TESMIN: variants seen among roughly 807,000 people sequenced by gnomAD.
TESMIN encodes the protein CXC domain containing 2.
TESMIN carries 34 observed loss-of-function variants against 47.4 expected under a neutral mutation model. The ratio of observed to expected loss-of-function variants is 0.72; its 90% confidence interval spans 0.55 to 0.96. The LOEUF is 0.96. Among genes scored for constraint, TESMIN ranks in the 40% least tolerant of loss-of-function variants. The probability of loss-of-function intolerance (pLI) is 0.00; values close to 1 mark genes in which losing one functional copy is unlikely to be tolerated. For missense variants in TESMIN, 610 were observed against 637.2 expected (o/e 0.96, Z 0.46); for synonymous variants, 278 against 258.9 (o/e 1.07, Z -0.71).
chr11:68,730,791 T>C (rs1358613346), intron 6 of TESMIN, among the ~76,000 whole-genome samples: 5 of 146,942 alleles, frequency 3.4e-5, no homozygotes, highest in Admixed American at 2.7e-4. Context: ...AGCCAGACTT[T>C]GTCTCAAAAA....
At chr11:68,734,595 C>G (rs1458649517) in intron 6 of TESMIN, among the ~76,000 whole-genome samples, 1 of 152,194 alleles carries the variant, frequency 6.6e-6, no homozygotes, top group African/African-American at 2.4e-5. Flanking sequence ...TGGGGGCATG[C>G]ATCTCTGTCA....
chr11:68,705,437 C>G (rs565571805), downstream of TESMIN, among the ~76,000 whole-genome samples: 3 of 152,258 alleles, frequency 2.0e-5, no homozygotes, highest in East Asian at 5.8e-4. Context: ...GCATCCAAGC[C>G]GAGATGAAAA....
chr11:68,742,819 G>A (rs4930603), intron 4 of TESMIN, among the ~76,000 whole-genome samples: 91,235 of 152,102 alleles, frequency 0.6, 28,872 homozygotes, highest in East Asian at 0.78. Context: ...AGCCTCCTAA[G>A]TAGCTGAGCC....
chr11:68,738,334 C>CCA, intron 6 of TESMIN: 1 of 1,018,244 alleles, frequency 9.8e-7, no homozygotes, highest in East Asian at 1.0e-4. Flanking sequence ...TGCATGGCTG[C>CCA]CACACCATTA....
rs370193317 is a variant in TESMIN at position 68,726,075 on chromosome 11, A to G, written c.918-10136T>C. ...AACTGTGGCAAACACTTACAAGGACATGTGTGATCTGCTGGGCTGTGCTCT... is the reference window on the plus strand; with the variant it reads ...AACTGTGGCAAACACTTACAAGGACGTGTGTGATCTGCTGGGCTGTGCTCT... On this transcript the variant is annotated intron_variant, in intron 6 of 9. Transcript: ENST00000255087. 2.2e-4 allele frequency among the ~76,000 whole-genome samples: 33 copies of G among 152,272 alleles called. No individual in the cohort carries two copies. The East Asian group carries it at 2.3e-3, about 11-fold the overall frequency.
chr11:68,738,557 T>C lies in TESMIN; in HGVS notation c.917+143A>G, dbSNP rs140934544. 12,596 of 1,442,630 alleles carry C rather than the reference T, an allele frequency of 8.7e-3. 53 individuals carry two copies. The highest frequency in any genetic ancestry group is 0.01 in the Non-Finnish European group (11,231 of 1,095,804). The allele number at this position is 1,442,630 out of a possible 1,614,324, so 89.4% of individuals were successfully genotyped here. Reference sequence around the variant, plus strand: ...ACAGACAGCAACACCGTTAGTGGCATTGCTGATGGTAAAAACATTTCTCAG... The same window carrying C: ...ACAGACAGCAACACCGTTAGTGGCACTGCTGATGGTAAAAACATTTCTCAG... On this transcript the variant is annotated intron_variant, in intron 6 of 9. Transcript: ENST00000255087.
In TESMIN at chr11:68,712,967, G is replaced by A. The variant is rs182652549; in HGVS notation, c.1158+303C>T. Among the ~76,000 whole-genome samples the A allele has an allele frequency of 1.2e-3, 189 of 152,268 alleles. 1 individual carries two copies. Among genetic ancestry groups the A allele is most frequent in the African/African-American group, 4.3e-3 (178 of 41,556 alleles). ...GCTTCCACCCTGTTGGAGGACCAGC[G>A]TGGATCAGTGGCCACAGAGGGACAA... is the stretch of plus-strand genomic sequence containing the variant. On this transcript the variant is annotated intron_variant, in intron 8 of 9. Transcript: ENST00000255087.
At chr11:68,737,616 G>A (rs1177635205) in intron 6 of TESMIN, 2 of 985,682 alleles carry the variant, frequency 2.0e-6, no homozygotes, top group Middle Eastern at 5.2e-4. Flanking sequence ...CTTAGACTGT[G>A]GGCCCAAAGA....
chr11:68,750,616 A>G lies in TESMIN; in HGVS notation c.45T>C (p.Asp15=), dbSNP rs761824341. The part of the protein sequence containing the change: ...PLPGGLPSPE[D]AMVTELLSPE... Reference sequence around the variant, plus strand: ...GGCTTAAGAGCTCCGTCACCATCGCATCCTCGGGGCTGGGCAGCCCGCCCG... The same window carrying G: ...GGCTTAAGAGCTCCGTCACCATCGCGTCCTCGGGGCTGGGCAGCCCGCCCG... Residue 15 remains aspartate, a synonymous_variant, in exon 2 of 10, where the codon GAT becomes GAC. Coordinates refer to ENST00000255087, the MANE Select transcript of TESMIN (RefSeq NM_004923.3). The G allele has an allele frequency of 3.8e-5, 61 of 1,593,804 alleles. No homozygotes were observed. Among genetic ancestry groups the G allele is most frequent in the Non-Finnish European group, 5.1e-5 (60 of 1,169,820 alleles).
intron 6 of TESMIN, among the ~76,000 whole-genome samples, chr11:68,733,913 C>T (rs990729812): frequency 2.0e-5 from 3 of 152,146 alleles, no homozygotes; most frequent in Non-Finnish European, 4.4e-5. Flanking sequence ...CAAACACAGC[C>T]ACACATGCCC....
intron 6 of TESMIN, among the ~76,000 whole-genome samples, chr11:68,728,655 C>G (rs956354715): frequency 6.6e-6 from 1 of 152,254 alleles, no homozygotes. Context: ...CAATGCCTGG[C>G]TTCAACGCCT....
chr11:68,730,901 A>G (rs1443325484), intron 6 of TESMIN, among the ~76,000 whole-genome samples: 3 of 152,238 alleles, frequency 2.0e-5, no homozygotes, highest in African/African-American at 7.2e-5. Context: ...AATCATCCAG[A>G]TTAATTTATC....
intron 6 of TESMIN, among the ~76,000 whole-genome samples, chr11:68,733,912 C>T (rs936235820): frequency 6.6e-6 from 1 of 152,168 alleles, no homozygotes; most frequent in African/African-American, 2.4e-5. Context: ...CCAAACACAG[C>T]CACACATGCC....
intron 6 of TESMIN, among the ~76,000 whole-genome samples, chr11:68,730,434 G>A (rs1946313446): frequency 6.6e-6 from 1 of 152,164 alleles, no homozygotes; most frequent in Non-Finnish European, 1.5e-5. Context: ...GCAAATCAAT[G>A]TTTAACATAT....
At chr11:68,715,729 CA>C (rs1946128880) in intron 7 of TESMIN, 107 bp downstream of exon 7, 3 of 808,080 alleles carry the variant, frequency 3.7e-6, no homozygotes, top group Non-Finnish European at 5.8e-6. Context: ...GTAAATTCTT[CA>C]AAACTGTGGG....
chr11:68,725,870 C>A (rs373869814), intron 6 of TESMIN, among the ~76,000 whole-genome samples: 3 of 152,214 alleles, frequency 2.0e-5, no homozygotes, highest in East Asian at 3.9e-4. Flanking sequence ...ATATTTAAAA[C>A]CTTTTAGATG....
intron 6 of TESMIN, among the ~76,000 whole-genome samples, chr11:68,735,414 G>A (rs1946376051): frequency 1.3e-5 from 2 of 152,224 alleles, no homozygotes; most frequent in African/African-American, 2.4e-5. Context: ...TAACTGTGGA[G>A]GGAGGGTGAC....
At chr11:68,705,357 G>A (rs1018196858), downstream of TESMIN, among the ~76,000 whole-genome samples, 1 of 152,106 alleles carries the variant, frequency 6.6e-6, no homozygotes, top group African/African-American at 2.4e-5. Context: ...TTGAAACCGC[G>A]CCCACACTGA....
chr11:68,750,523 G>A lies in TESMIN; in HGVS notation c.138C>T (p.Phe46=). Reference sequence around the variant, plus strand: ...CCAGGTACGCTTCTTTGAAGACGTGGAACTCGTCCTCCTCGTACTTCACGG... The same window carrying A: ...CCAGGTACGCTTCTTTGAAGACGTGAAACTCGTCCTCCTCGTACTTCACGG... ...KAPVKYEEDE[F]HVFKEAYLGP... The change falls in exon 2 of 10, where the codon TTC becomes TTT. Residue 46 remains phenylalanine (F), a synonymous_variant. Transcript: ENST00000255087. The A allele has an allele frequency of 6.2e-7, 1 of 1,604,968 alleles. No homozygotes were observed. The highest frequency in any genetic ancestry group is 1.1e-5 in the South Asian group (1 of 89,280).
Sources: allele counts gnomAD v4.1 joint callset (sites outside exome capture counted in the v4.1 genomes callset), GRCh38; gene constraint gnomAD v4.1.1; transcripts MANE v1.5; gene names NCBI Gene and HGNC (gene_info 2026-07-23, HGNC 2026-07-21).